The following SETBP1 variants were observed in gnomAD, a reference collection of about 807,000 sequenced individuals.
The protein encoded by SETBP1 is SET binding protein 1.
In SETBP1, 9 loss-of-function variants were observed where a neutral mutation model predicts 101.0. The observed-to-expected ratio is 0.09, with a 90% confidence interval of 0.05 to 0.16. The LOEUF is 0.16. Ranked by LOEUF, SETBP1 falls within the 10% of genes least tolerant of loss-of-function variation. The pLI, the probability that SETBP1 is intolerant of heterozygous loss-of-function variation, is 1.00. For synonymous variants in SETBP1, 818 were observed against 788.5 expected (o/e 1.04, Z -0.63); for missense variants, 1,858 against 2,033.8 (o/e 0.91, Z 1.66).
At chr18:44,868,419 G>T (rs370061113) in intron 2 of SETBP1, among the ~76,000 whole-genome samples, 1 of 152,064 alleles carries the variant, frequency 6.6e-6, no homozygotes, top group Non-Finnish European at 1.5e-5. Flanking sequence ...AAATGGTCGG[G>T]TGCAGTGGCT....
intron 2 of SETBP1, among the ~76,000 whole-genome samples, chr18:44,730,591 C>T (rs992388819): frequency 3.9e-5 from 6 of 152,156 alleles, no homozygotes; most frequent in Non-Finnish European, 7.4e-5. Flanking sequence ...ACCATTTTTG[C>T]CTACCAAGAA....
intron 2 of SETBP1, among the ~76,000 whole-genome samples, chr18:44,733,570 G>A (rs902475061): frequency 7.2e-5 from 11 of 152,138 alleles, no homozygotes; most frequent in Non-Finnish European, 1.5e-4. Flanking sequence ...GAGATGAGTC[G>A]CAGCTCCAGT....
At chr18:44,905,050 C>T (rs1266802157) in intron 3 of SETBP1, among the ~76,000 whole-genome samples, 3 of 152,058 alleles carry the variant, frequency 2.0e-5, no homozygotes, top group Non-Finnish European at 4.4e-5. Flanking sequence ...CAAAATGCAA[C>T]AGATCAAAGG....
rs117526518 is a variant in SETBP1 at position 44,713,867 on chromosome 18, A to G, written c.486+12035A>G. The stretch of plus-strand genomic sequence containing the variant: ...GGCAGAGACGTGAATCGAATGTTAT[A>G]CAGATGGTCTGGTTTGGGTCTAGTG... On this transcript the variant is annotated intron_variant, in intron 2 of 5. Coordinates refer to ENST00000649279, the MANE Select transcript of SETBP1 (RefSeq NM_015559.3). Among the ~76,000 whole-genome samples the G allele has an allele frequency of 5.3e-3, 809 of 152,330 alleles. 3 individuals carry two copies. The highest frequency in any genetic ancestry group is 0.01 in the Middle Eastern group (3 of 294).
At chr18:44,863,789 A>G (rs547954034) in intron 2 of SETBP1, among the ~76,000 whole-genome samples, 13 of 152,304 alleles carry the variant, frequency 8.5e-5, no homozygotes, top group African/African-American at 2.9e-4. Context: ...GCATCAATCC[A>G]TCTGTCCATT....
rs755631153 is a variant in SETBP1 at position 44,952,991 on chromosome 18, C to T, written c.3651C>T (p.Ala1217=). ...KEKQKHQHSE[A]GHKASKNNFE... ...AACAGAAGCACCAGCACAGCGAAGC[C>T]GGCCACAAAGCTTCTAAGAACAACT... The change falls in exon 4 of 6, where the codon GCC becomes GCT. Residue 1217 remains alanine, a synonymous_variant. Transcript: ENST00000649279. 3.1e-6 allele frequency: 5 copies of T among 1,614,124 alleles called. No homozygotes were observed. In the South Asian group the frequency reaches 3.3e-5, roughly 11 times the overall value.
chr18:44,739,846 T>C (rs531071875), intron 2 of SETBP1, among the ~76,000 whole-genome samples: 1 of 152,322 alleles, frequency 6.6e-6, no homozygotes, highest in East Asian at 1.9e-4. Flanking sequence ...AAGACTTGAC[T>C]CTCAAGGAGT....
At chr18:44,806,476 A>G (rs2071738972) in intron 2 of SETBP1, among the ~76,000 whole-genome samples, 1 of 152,014 alleles carries the variant, frequency 6.6e-6, no homozygotes, top group Admixed American at 6.6e-5. Flanking sequence ...TCACAAAGAT[A>G]TCTATATATT....
At chr18:44,883,839 C>G (rs912279576) in intron 3 of SETBP1, among the ~76,000 whole-genome samples, 4 of 152,108 alleles carry the variant, frequency 2.6e-5, no homozygotes, top group Non-Finnish European at 5.9e-5. Flanking sequence ...AAATCAAGGT[C>G]CTCACACTCT....
intron 4 of SETBP1, among the ~76,000 whole-genome samples, chr18:45,001,077 C>T (rs996194877): frequency 6.6e-6 from 1 of 152,104 alleles, no homozygotes; most frequent in African/African-American, 2.4e-5. Context: ...TTCATTCATT[C>T]TCCATTTGCT....
At position 44,779,928 on chromosome 18, in the gene SETBP1, A is replaced by G. The variant is rs2071088803; in HGVS notation, c.486+78096A>G. Among the ~76,000 whole-genome samples, 4 of 151,318 alleles carry G rather than the reference A, an allele frequency of 2.6e-5. No homozygotes were observed. The South Asian group carries it at 6.3e-4, about 24-fold the overall frequency. On this transcript the variant is annotated intron_variant, in intron 2 of 5. Transcript: ENST00000649279. ...CAGCCCCGAACACACACACACACAC[A>G]CGCACGCACACACACACGCACGCAC...
intron 4 of SETBP1, among the ~76,000 whole-genome samples, chr18:44,954,952 T>C (rs1221220032): frequency 6.6e-6 from 1 of 152,200 alleles, no homozygotes; most frequent in Non-Finnish European, 1.5e-5. Flanking sequence ...AAGATGTTCT[T>C]ATTTTTGTAA....
intron 2 of SETBP1, among the ~76,000 whole-genome samples, chr18:44,860,314 G>A (rs889026162): frequency 4.6e-5 from 7 of 152,156 alleles, no homozygotes; most frequent in Non-Finnish European, 7.4e-5. Context: ...TCTTAATTTT[G>A]TTGGAAGGAA....
At chr18:44,908,636 C>A (rs981126736) in intron 3 of SETBP1, among the ~76,000 whole-genome samples, 4 of 152,128 alleles carry the variant, frequency 2.6e-5, no homozygotes, top group East Asian at 3.8e-4. Flanking sequence ...AGTCCTCCAA[C>A]CTTGTTCTTT....
intron 2 of SETBP1, among the ~76,000 whole-genome samples, chr18:44,777,204 C>T (rs1311351876): frequency 6.6e-6 from 1 of 152,140 alleles, no homozygotes; most frequent in Non-Finnish European, 1.5e-5. Flanking sequence ...GTGGTCCCAG[C>T]TACTCGGGAG....
intron 3 of SETBP1, among the ~76,000 whole-genome samples, chr18:44,939,019 A>AG (rs2071026599): frequency 6.6e-6 from 1 of 151,436 alleles, no homozygotes; most frequent in Admixed American, 6.6e-5. Context: ...TGTGTGATAT[A>AG]GGGAGTTCAT....
At chr18:44,963,050 A>G (rs995986245) in intron 4 of SETBP1, among the ~76,000 whole-genome samples, 1 of 152,216 alleles carries the variant, frequency 6.6e-6, no homozygotes, top group East Asian at 1.9e-4. Flanking sequence ...TCCACTCGAC[A>G]GCCAAGGAAA....
At chr18:44,767,760 C>T (rs2070789070) in intron 2 of SETBP1, among the ~76,000 whole-genome samples, 1 of 152,176 alleles carries the variant, frequency 6.6e-6, no homozygotes, top group Non-Finnish European at 1.5e-5. Context: ...TGTTTGACAT[C>T]ATCACTTATT....
At chr18:44,907,550 A>G (rs549928327) in intron 3 of SETBP1, among the ~76,000 whole-genome samples, 1 of 152,266 alleles carries the variant, frequency 6.6e-6, no homozygotes, top group African/African-American at 2.4e-5. Flanking sequence ...TGGCCACCCT[A>G]GAAGGTATGA....
Sources: gnomAD v4.1 joint callset for allele counts (sites outside exome capture counted in the v4.1 genomes callset) on GRCh38, gnomAD v4.1.1 for gene constraint, MANE v1.5 for transcripts, NCBI Gene and HGNC (gene_info 2026-07-23, HGNC 2026-07-21) for gene names.